The following COL28A1 variants were observed in gnomAD, a reference collection of about 807,000 sequenced individuals.
COL28A1 encodes the protein collagen type XXVIII alpha 1 chain, also known as collagen alpha-1(XXVIII) chain.
A neutral mutation model predicts 150.2 loss-of-function variants in COL28A1; 161 were observed. That is an observed-to-expected ratio of 1.07 (90% CI 0.94 to 1.22). COL28A1 has a LOEUF of 1.22. Ranked by LOEUF, COL28A1 falls within the 50% of genes most tolerant of loss-of-function variation. The pLI is 0.00. For missense variants in COL28A1, 1,617 were observed against 1,388.3 expected, an observed-to-expected ratio of 1.16 and a Z score of -2.62; for synonymous variants, 552 against 469.7, an observed-to-expected ratio of 1.18 and a Z score of -2.26.
chr7:7,471,057 CATATGT>C (rs1310071373), intron 15 of COL28A1, among the ~76,000 whole-genome samples: 2 of 128,292 alleles, frequency 1.6e-5, no homozygotes, highest in African/African-American at 6.0e-5. Context: ...CACATGTATA[CATATGT>C]AACTAACCTG....
At chr7:7,401,420 T>G (rs1424999577) in intron 27 of COL28A1, among the ~76,000 whole-genome samples, 1 of 152,132 alleles carries the variant, frequency 6.6e-6, no homozygotes, top group Non-Finnish European at 1.5e-5. Flanking sequence ...AAATACCTAC[T>G]CGGCAGGTCC....
chr7:7,508,048 C>G (rs1445313649), intron 9 of COL28A1, among the ~76,000 whole-genome samples: 2 of 152,056 alleles, frequency 1.3e-5, no homozygotes, highest in Non-Finnish European at 2.9e-5. Flanking sequence ...CTGGCTAACA[C>G]AGTGAAACCC....
the COL28A1 span, among the ~76,000 whole-genome samples, chr7:7,542,173 C>A: frequency 1.3e-5 from 2 of 152,130 alleles, no homozygotes; most frequent in Non-Finnish European, 2.9e-5. Flanking sequence ...CATAGTGAAA[C>A]CCCGTCTCTA....
At chr7:7,421,719 G>A (rs771762106) in intron 25 of COL28A1, among the ~76,000 whole-genome samples, 13 of 152,166 alleles carry the variant, frequency 8.5e-5, no homozygotes, top group Admixed American at 1.3e-4. Context: ...TAAAAGGACG[G>A]GGGCCACTTT....
At chr7:7,387,752 T>C (rs73674519) in intron 27 of COL28A1, among the ~76,000 whole-genome samples, 5,437 of 152,286 alleles carry the variant, frequency 0.036, 373 homozygotes, top group African/African-American at 0.12. Context: ...ATACATAAAA[T>C]GAATGCATGA....
At chr7:7,523,443 C>G (rs1030105172) in intron 4 of COL28A1, among the ~76,000 whole-genome samples, 15 of 151,816 alleles carry the variant, frequency 9.9e-5, no homozygotes, top group Non-Finnish European at 2.1e-4. Context: ...CAGGCGTGAG[C>G]GACCATGCCT....
chr7:7,457,071 G>C (rs1787227554), intron 15 of COL28A1, among the ~76,000 whole-genome samples: 1 of 152,202 alleles, frequency 6.6e-6, no homozygotes, highest in African/African-American at 2.4e-5. Flanking sequence ...CCATGAGGGA[G>C]AGCGGTAGAC....
chr7:7,527,499 G>A (rs1443736440), intron 3 of COL28A1, among the ~76,000 whole-genome samples: 3 of 152,204 alleles, frequency 2.0e-5, no homozygotes, highest in East Asian at 1.9e-4. Context: ...ACATTTAAAG[G>A]GAGTGGATGG....
At chr7:7,349,654 A>G in the COL28A1 span, among the ~76,000 whole-genome samples, 1 of 152,116 alleles carries the variant, frequency 6.6e-6, no homozygotes, top group Non-Finnish European at 1.5e-5. Context: ...CTCTCAAAGC[A>G]GTAAGCTGGG....
intron 30 of COL28A1, among the ~76,000 whole-genome samples, chr7:7,380,013 C>G (rs931441298): frequency 2.6e-5 from 4 of 152,104 alleles, no homozygotes; most frequent in African/African-American, 9.7e-5. Flanking sequence ...AGACCACAAC[C>G]CTGGAAAAGT....
chr7:7,456,213 A>G (rs1349955669), intron 15 of COL28A1, 101 bp from the exon 16 acceptor site: 1 of 1,389,154 alleles, frequency 7.2e-7, no homozygotes, highest in Non-Finnish European at 9.5e-7. Context: ...CTATCTTTAT[A>G]CTATAAAAAA....
chr7:7,525,495 A>G (rs1040981924), intron 3 of COL28A1, among the ~76,000 whole-genome samples: 4 of 152,204 alleles, frequency 2.6e-5, no homozygotes, highest in Non-Finnish European at 4.4e-5. Flanking sequence ...TTATGTGTCA[A>G]ACCAGTGCCT....
At chr7:7,363,735 C>G (rs989743198) in intron 33 of COL28A1, among the ~76,000 whole-genome samples, 2 of 151,930 alleles carry the variant, frequency 1.3e-5, no homozygotes, top group African/African-American at 4.8e-5. Context: ...ATGCTCTATG[C>G]TATTTTAAAA....
the COL28A1 span, among the ~76,000 whole-genome samples, chr7:7,350,717 G>C: frequency 6.9e-6 from 1 of 145,406 alleles, no homozygotes; most frequent in Non-Finnish European, 1.5e-5. Context: ...TATTCTTAAC[G>C]GAATCAGTTT....
intron 31 of COL28A1, among the ~76,000 whole-genome samples, chr7:7,374,041 AT>A (rs1223603616): frequency 0.079 from 9,690 of 122,868 alleles, 366 homozygotes; most frequent in Middle Eastern, 0.13. Context: ...AAAAAAAAAT[AT>A]ATATATATAT....
intron 8 of COL28A1, among the ~76,000 whole-genome samples, chr7:7,513,445 A>C (rs1328021809): frequency 6.6e-6 from 1 of 152,204 alleles, no homozygotes; most frequent in African/African-American, 2.4e-5. Flanking sequence ...AGGCATCAGG[A>C]GCAGGAAAGA....
intron 17 of COL28A1, 69 bp downstream of exon 17, chr7:7,453,371 C>A (rs1786869083): frequency 3.5e-6 from 3 of 850,440 alleles, no homozygotes; most frequent in Non-Finnish European, 6.2e-6. Context: ...TTCCCTTGCA[C>A]TGGCACTGAT....
At chr7:7,348,789 T>C in the COL28A1 span, among the ~76,000 whole-genome samples, 1 of 152,130 alleles carries the variant, frequency 6.6e-6, no homozygotes, top group East Asian at 1.9e-4. Flanking sequence ...TCCCGCAATA[T>C]TTTTTAAGAG....
chr7:7,358,498 T>C lies in COL28A1; in HGVS notation c.*135A>G. Reference sequence around the variant, plus strand: ...TAATAATATGTACATCCTAGGGCTGTAGTGAGAATTCAATTACATGTATAA... The same window carrying C: ...TAATAATATGTACATCCTAGGGCTGCAGTGAGAATTCAATTACATGTATAA... On this transcript the variant is annotated 3_prime_UTR_variant, in exon 35 of 35. Transcript: ENST00000399429. The C allele has an allele frequency of 1.3e-6, 1 of 798,458 alleles. No individual in the cohort carries two copies. The highest frequency in any genetic ancestry group is 2.0e-6 in the Non-Finnish European group (1 of 492,092). The allele number at this position is 798,458 out of a possible 1,614,324, so 49.5% of individuals were successfully genotyped here.
Sources: gnomAD v4.1 joint callset for allele counts (sites outside exome capture counted in the v4.1 genomes callset) on GRCh38, gnomAD v4.1.1 for gene constraint, MANE v1.5 for transcripts, NCBI Gene and HGNC (gene_info 2026-07-23, HGNC 2026-07-21) for gene names.